The following NSUN4 variants were observed in gnomAD, a reference collection of about 807,000 sequenced individuals.
The protein encoded by NSUN4 is 5-cytosine rRNA methyltransferase NSUN4.
A neutral mutation model predicts 43.8 loss-of-function variants in NSUN4; 31 were observed. The ratio of observed to expected loss-of-function variants is 0.71; its 90% confidence interval spans 0.53 to 0.96. The LOEUF (loss-of-function observed/expected upper bound fraction) is 0.96, where lower values mean the gene tolerates loss of function less well. Ranked by LOEUF, NSUN4 falls within the 40% of genes least tolerant of loss-of-function variation. The pLI, the probability that NSUN4 is intolerant of heterozygous loss-of-function variation, is 0.00. For missense variants in NSUN4, 439 were observed against 475.6 expected, an observed-to-expected ratio of 0.92 and a Z score of 0.72; for synonymous variants, 167 against 184.1, an observed-to-expected ratio of 0.91 and a Z score of 0.75.
downstream of NSUN4, among the ~76,000 whole-genome samples, chr1:46,366,704 CAA>C (rs34437222): frequency 1.2e-4 from 7 of 59,396 alleles, no homozygotes; most frequent in Non-Finnish European, 1.4e-4. Flanking sequence ...ACTAAAAATA[CAA>C]AAAAAAAAAA....
chr1:46,379,140 A>G, the NSUN4 span, among the ~76,000 whole-genome samples: 1 of 152,198 alleles, frequency 6.6e-6, no homozygotes, highest in Non-Finnish European at 1.5e-5. Flanking sequence ...CAGAGGAGAC[A>G]AACTCTCCCC....
At chr1:46,358,558 C>CTGT in intron 4 of NSUN4, among the ~76,000 whole-genome samples, 1 of 151,604 alleles carries the variant, frequency 6.6e-6, no homozygotes, top group Non-Finnish European at 1.5e-5. Context: ...CGTGCCACCA[C>CTGT]ACCCAGCTAA....
chr1:46,361,842 CAT>C lies in NSUN4; in HGVS notation c.1153_1154del (p.Ter385ValfsTer6). 1 of 1,613,472 alleles carries C rather than the reference CAT, an allele frequency of 6.2e-7. No homozygotes were observed. Among genetic ancestry groups the C allele is most frequent in the Non-Finnish European group, 8.5e-7 (1 of 1,179,600 alleles). ...TACTTCTGCAAAATGCGTAGGCTGA[CAT>C]AGTATCACCCAATCCCTGAAGCAAG... On this transcript the variant is annotated frameshift_variant and stop_lost, in exon 6 of 6. Transcript: ENST00000474844. LOFTEE classifies it high-confidence loss of function.
downstream of NSUN4, among the ~76,000 whole-genome samples, chr1:46,366,704 CAAAAAAAAAA>C (rs34437222): frequency 5.0e-5 from 3 of 59,408 alleles, no homozygotes; most frequent in African/African-American, 7.8e-5. Context: ...ACTAAAAATA[CAAAAAAAAAA>C]AAAAAAAAAA....
At chr1:46,370,180 CAGACTT>C in the NSUN4 span, among the ~76,000 whole-genome samples, 1 of 152,168 alleles carries the variant, frequency 6.6e-6, no homozygotes, top group Non-Finnish European at 1.5e-5. Context: ...AGGAGAAAGA[CAGACTT>C]AGGGAAGAGA....
chr1:46,360,250 ATATATATATAT>A (rs1454775010), intron 4 of NSUN4, among the ~76,000 whole-genome samples: 1 of 18,858 alleles, frequency 5.3e-5, no homozygotes, highest in South Asian at 3.9e-3. Flanking sequence ...AAAAAAAAAA[ATATATATATAT>A]ATATATATAT....
chr1:46,341,631 C>T lies in NSUN4; in HGVS notation c.93+712C>T, dbSNP rs984312090. On this transcript the variant is annotated intron_variant, in intron 1 of 5. Transcript: ENST00000474844. ...CCCACCCCAGCCGATTCCCTCGCCACCTCCACCATCTCTTCCACCCCCACA... is the reference window on the plus strand; with the variant it reads ...CCCACCCCAGCCGATTCCCTCGCCATCTCCACCATCTCTTCCACCCCCACA... 5 of 1,221,962 alleles carry T rather than the reference C, an allele frequency of 4.1e-6. No individual in the cohort carries two copies. In the South Asian group the frequency reaches 1.7e-4, roughly 42 times the overall value. 75.7% of individuals were successfully genotyped at this position (1,221,962 alleles called of 1,614,324 possible). A position where few individuals can be genotyped will look rare whatever the true frequency, so the allele number is the denominator to read the frequency against.
chr1:46,370,836 A>C, the NSUN4 span: 1 of 152,548 alleles, frequency 6.6e-6, no homozygotes, highest in South Asian at 2.1e-4. Flanking sequence ...AACCATATAG[A>C]CTAATGATAG....
chr1:46,352,791 G>A (rs939869645), intron 3 of NSUN4, 77 bp from the exon 4 acceptor site: 1 of 1,414,628 alleles, frequency 7.1e-7, no homozygotes, highest in African/African-American at 1.4e-5. Flanking sequence ...CCTGAGAATT[G>A]GTCTGACTCC....
At chr1:46,353,150 G>T in intron 4 of NSUN4, 122 bp downstream of exon 4, 1 of 847,834 alleles carries the variant, frequency 1.2e-6, no homozygotes, top group Non-Finnish European at 1.8e-6. Flanking sequence ...TTTCTGGACT[G>T]GCCAGTTCTA....
chr1:46,376,956 C>G, the NSUN4 span, among the ~76,000 whole-genome samples: 1 of 151,972 alleles, frequency 6.6e-6, no homozygotes, highest in African/African-American at 2.4e-5. Flanking sequence ...AGGGGTTTCA[C>G]CATGTTGGCT....
intron 3 of NSUN4, among the ~76,000 whole-genome samples, chr1:46,348,771 G>A (rs1390598911): frequency 8.3e-6 from 1 of 120,394 alleles, no homozygotes; most frequent in Non-Finnish European, 1.7e-5. Flanking sequence ...CATCTTATTT[G>A]TCTCAGTAAA....
At chr1:46,361,490 C>A in intron 5 of NSUN4, 80 bp from the exon 6 acceptor site, 2 of 1,322,664 alleles carry the variant, frequency 1.5e-6, no homozygotes, top group Non-Finnish European at 2.1e-6. Flanking sequence ...CTTCCCTTAT[C>A]CATGTTTCCA....
downstream of NSUN4, among the ~76,000 whole-genome samples, chr1:46,368,833 G>A (rs570307422): frequency 5.3e-5 from 8 of 152,216 alleles, no homozygotes; most frequent in East Asian, 1.5e-3. Flanking sequence ...CAGGAGGGTC[G>A]CTTGAAGCCA....
At chr1:46,351,659 C>CTTTTT (rs1190689943) in intron 3 of NSUN4, among the ~76,000 whole-genome samples, 5 of 88,872 alleles carry the variant, frequency 5.6e-5, no homozygotes, top group Admixed American at 1.4e-4. Flanking sequence ...GACCCAGTCT[C>CTTTTT]TTTTTTTTTT....
chr1:46,379,091 G>A, the NSUN4 span, among the ~76,000 whole-genome samples: 3 of 152,158 alleles, frequency 2.0e-5, no homozygotes, highest in African/African-American at 4.8e-5. Flanking sequence ...AGATACAAGG[G>A]GTCCTGGATT....
At chr1:46,345,213 T>G in intron 2 of NSUN4, 69 bp downstream of exon 2, 1 of 1,162,532 alleles carries the variant, frequency 8.6e-7, no homozygotes, top group South Asian at 1.4e-5. Context: ...GAGACCCAGC[T>G]TCTACCCTCT....
intron 4 of NSUN4, among the ~76,000 whole-genome samples, chr1:46,359,613 C>T (rs528262401): frequency 1.6e-4 from 24 of 145,966 alleles, no homozygotes; most frequent in African/African-American, 5.1e-4. Context: ...TGCAATGGCG[C>T]GATCTTGGCT....
At chr1:46,352,836 T>C (rs7529674) in intron 3 of NSUN4, 32 bp from the exon 4 acceptor site, 416,980 of 1,603,506 alleles carry the variant, frequency 0.26, 59,010 homozygotes, top group Non-Finnish European at 0.29. Context: ...TTTCATTGGG[T>C]CATGGCCTCT....
Sources: gnomAD v4.1 joint callset for allele counts (sites outside exome capture counted in the v4.1 genomes callset) on GRCh38, gnomAD v4.1.1 for gene constraint, MANE v1.5 for transcripts, NCBI Gene and HGNC (gene_info 2026-07-23, HGNC 2026-07-21) for gene names.